The following DLG2 variants were observed in gnomAD, a reference collection of about 807,000 sequenced individuals.
DLG2 encodes disks large homolog 2.
In DLG2, 45 loss-of-function variants were observed where a neutral mutation model predicts 132.5. That is an observed-to-expected ratio of 0.34 (90% confidence interval 0.27 to 0.44). The LOEUF (loss-of-function observed/expected upper bound fraction) is 0.44, where lower values mean the gene tolerates loss of function less well. Ranked by LOEUF, DLG2 falls within the 20% of genes least tolerant of loss-of-function variation. The pLI is 1.00. For synonymous variants in DLG2, 424 were observed against 419.6 expected (o/e 1.01, Z -0.13); for missense variants, 1,045 against 1,196.9 (o/e 0.87, Z 1.87).
At chr11:84,714,193 T>C (rs1166106197) in intron 6 of DLG2, among the ~76,000 whole-genome samples, 1 of 143,314 alleles carries the variant, frequency 7.0e-6, no homozygotes, top group Non-Finnish European at 1.5e-5. Flanking sequence ...AAAAAACATA[T>C]ACCAAAATGG....
At chr11:83,759,836 A>T (rs932635779) in intron 18 of DLG2, among the ~76,000 whole-genome samples, 5 of 152,188 alleles carry the variant, frequency 3.3e-5, no homozygotes, top group African/African-American at 1.2e-4. Flanking sequence ...GGACATCCAG[A>T]ACCCAAATTA....
chr11:85,145,009 G>C (rs2076747617), intron 5 of DLG2, among the ~76,000 whole-genome samples: 1 of 152,042 alleles, frequency 6.6e-6, no homozygotes, highest in African/African-American at 2.4e-5. Context: ...CAAGTCCACT[G>C]TTGATGAAAT....
intron 3 of DLG2, among the ~76,000 whole-genome samples, chr11:85,331,666 T>C (rs1487409653): frequency 2.0e-5 from 3 of 152,182 alleles, no homozygotes; most frequent in Non-Finnish European, 4.4e-5. Context: ...TTCCCCTCTT[T>C]GTATCCATGT....
chr11:85,308,365 AG>A (rs1477225541), intron 3 of DLG2, among the ~76,000 whole-genome samples: 2 of 151,894 alleles, frequency 1.3e-5, no homozygotes, highest in East Asian at 3.9e-4. Flanking sequence ...CAATGTGCCC[AG>A]GATGCCGATT....
chr11:85,357,427 C>T (rs1454808808), intron 3 of DLG2, among the ~76,000 whole-genome samples: 1 of 149,892 alleles, frequency 6.7e-6, no homozygotes, highest in Non-Finnish European at 1.5e-5. Flanking sequence ...CTCCTGACCT[C>T]GTGATCCACC....
intron 19 of DLG2, among the ~76,000 whole-genome samples, chr11:83,594,762 A>C (rs1305005088): frequency 6.6e-6 from 1 of 152,140 alleles, no homozygotes; most frequent in East Asian, 1.9e-4. Context: ...CATTCCCAGG[A>C]GAGTTGCAAT....
In DLG2 at chr11:84,456,857, C is replaced by A. The variant is rs537496188; in HGVS notation, c.519+77713G>T. Among the ~76,000 whole-genome samples, 3 of 151,126 alleles carry A rather than the reference C, an allele frequency of 2.0e-5. No homozygotes were observed. In the South Asian group the frequency reaches 6.2e-4, roughly 31 times the overall value. The stretch of plus-strand genomic sequence containing the variant: ...AAGGATGCTTGATGTATTGTAGATG[C>A]TCATCAAATATTTGGAAGTGGTAAA... On this transcript the variant is annotated intron_variant, in intron 7 of 27. Coordinates refer to ENST00000376104, the MANE Select transcript of DLG2 (RefSeq NM_001142699.3).
intron 7 of DLG2, among the ~76,000 whole-genome samples, chr11:84,505,294 G>A (rs61897749): frequency 0.1 from 15,550 of 152,050 alleles, 955 homozygotes; most frequent in African/African-American, 0.18. Flanking sequence ...TTCTATGAGC[G>A]TATACTGTAT....
At chr11:84,126,341 C>G (rs781332677) in intron 9 of DLG2, among the ~76,000 whole-genome samples, 1 of 152,068 alleles carries the variant, frequency 6.6e-6, no homozygotes, top group South Asian at 2.1e-4. Flanking sequence ...TTTATGAAGA[C>G]TGTAGATGGA....
chr11:85,493,609 G>A (rs1159415661), intron 3 of DLG2, among the ~76,000 whole-genome samples: 1 of 151,928 alleles, frequency 6.6e-6, no homozygotes, highest in Non-Finnish European at 1.5e-5. Flanking sequence ...AGTTCGAGGT[G>A]CAGCGAGCTA....
intron 19 of DLG2, among the ~76,000 whole-genome samples, chr11:83,620,645 C>T (rs531003496): frequency 6.6e-6 from 1 of 151,794 alleles, no homozygotes; most frequent in Non-Finnish European, 1.5e-5. Context: ...CCGAGGCGGG[C>T]GGATCACGAG....
At chr11:83,585,042 C>G (rs2097058444) in intron 19 of DLG2, among the ~76,000 whole-genome samples, 1 of 152,106 alleles carries the variant, frequency 6.6e-6, no homozygotes, top group South Asian at 2.1e-4. Flanking sequence ...AAAGTGACCT[C>G]CCTACCTCAG....
chr11:85,396,748 A>T (rs192739009), intron 3 of DLG2, among the ~76,000 whole-genome samples: 14 of 152,342 alleles, frequency 9.2e-5, no homozygotes, highest in Admixed American at 9.2e-4. Flanking sequence ...CAAAGAAATG[A>T]ACAAAGCCTC....
At chr11:83,571,154 T>C (rs1419474485) in intron 19 of DLG2, among the ~76,000 whole-genome samples, 2 of 152,208 alleles carry the variant, frequency 1.3e-5, no homozygotes, top group African/African-American at 4.8e-5. Flanking sequence ...AGTGCTGGGC[T>C]TATAGGCGTG....
chr11:84,230,985 A>G (rs900953972), intron 8 of DLG2, among the ~76,000 whole-genome samples: 1 of 152,236 alleles, frequency 6.6e-6, no homozygotes, highest in African/African-American at 2.4e-5. Flanking sequence ...CTACCTCAGA[A>G]TATACATTGT....
chr11:85,519,731 A>G (rs2153174264), intron 3 of DLG2, among the ~76,000 whole-genome samples: 1 of 152,208 alleles, frequency 6.6e-6, no homozygotes, highest in Non-Finnish European at 1.5e-5. Context: ...GGCTCATCCA[A>G]ATCTCATCTT....
intron 9 of DLG2, among the ~76,000 whole-genome samples, chr11:84,162,291 T>G (rs1407743017): frequency 6.6e-6 from 1 of 151,966 alleles, no homozygotes; most frequent in African/African-American, 2.4e-5. Context: ...GTGTACATCT[T>G]TCCAGGCTTT....
At chr11:85,111,921 A>G (rs2072821601) in intron 5 of DLG2, among the ~76,000 whole-genome samples, 186 bp from the exon 6 acceptor site, 2 of 152,088 alleles carry the variant, frequency 1.3e-5, no homozygotes, top group African/African-American at 4.8e-5. Context: ...AGCATAAGAA[A>G]TTATCCTTTT....
At chr11:84,659,068 T>C (rs945348123) in intron 6 of DLG2, among the ~76,000 whole-genome samples, 10 of 152,192 alleles carry the variant, frequency 6.6e-5, no homozygotes, top group Non-Finnish European at 1.3e-4. Flanking sequence ...ACTTAGTCTA[T>C]AGTATTCTGT....
Sources: gnomAD v4.1 joint callset for allele counts (sites outside exome capture counted in the v4.1 genomes callset) on GRCh38, gnomAD v4.1.1 for gene constraint, MANE v1.5 for transcripts, NCBI Gene and HGNC (gene_info 2026-07-23, HGNC 2026-07-21) for gene names.